Variants in TFEB observed in about 807,000 individuals in gnomAD.
TFEB encodes transcription factor EB, also known as T-cell transcription factor EB.
Under a neutral mutation model 48.0 loss-of-function variants are expected in TFEB, and 12 were observed. The observed-to-expected ratio is 0.25, with a 90% CI of 0.16 to 0.40. TFEB has a LOEUF of 0.40. Ranked by LOEUF, TFEB falls within the 10% of genes least tolerant of loss-of-function variation. The pLI is 1.00. For synonymous variants in TFEB, 244 were observed against 261.4 expected (o/e 0.93, Z 0.64); for missense variants, 509 against 640.3 (o/e 0.79, Z 2.21).
At chr6:41,697,625 G>T (rs1769678319) in intron 1 of TFEB, among the ~76,000 whole-genome samples, 1 of 150,934 alleles carries the variant, frequency 6.6e-6, no homozygotes, top group Admixed American at 6.6e-5. Flanking sequence ...GGCAATATAT[G>T]TCAAAGCCTT....
chr6:41,725,256 G>T (rs1771154515), intron 1 of TFEB, among the ~76,000 whole-genome samples: 1 of 152,214 alleles, frequency 6.6e-6, no homozygotes, highest in South Asian at 2.1e-4. Flanking sequence ...ATTTTAAGAT[G>T]TTTAGTGGTA....
Position 41,734,256 on chromosome 6 carries a change from T to TGGGCCC in TFEB, c.-23+1088_-23+1093dup. The TGGGCCC allele has an allele frequency of 1.4e-6, 1 of 740,226 alleles. No homozygotes were observed. The highest frequency in any genetic ancestry group is 1.6e-6 in the Non-Finnish European group (1 of 606,174). The allele number at this position is 740,226 out of a possible 1,614,324, so 45.9% of individuals were successfully genotyped here. On this transcript the variant is annotated intron_variant, in intron 1 of 8. Transcript: ENST00000373033. The surrounding 1 kb of genome is among the most constrained non-coding windows in gnomAD (Gnocchi z 4.0). Reference sequence around the variant, plus strand: ...TGGCGGAGAGCGGAGGGCGGGGGCCTGGGCCCAGCGGGGTTCGCGCAGACA... The same window carrying TGGGCCC: ...TGGCGGAGAGCGGAGGGCGGGGGCCTGGGCCCGGGCCCAGCGGGGTTCGCGCAGACA...
Position 41,709,113 on chromosome 6 carries a change from G to A in TFEB, c.-22-17878C>T, listed in dbSNP as rs185194936. ...AGGCTGCTCCTAGGATAGAGCTATA[G>A]AGCTCCAGCATTCCAGAACCTTGGC... On this transcript the variant is annotated intron_variant, in intron 1 of 8. Transcript: ENST00000373033. 1.3e-3 allele frequency among the ~76,000 whole-genome samples: 201 copies of A among 152,354 alleles called. 1 individual carries two copies. Among genetic ancestry groups the A allele is most frequent in the African/African-American group, 4.4e-3 (182 of 41,574 alleles).
intron 3 of TFEB, among the ~76,000 whole-genome samples, chr6:41,690,288 G>C (rs544516829): frequency 6.6e-6 from 1 of 151,852 alleles, no homozygotes; most frequent in Non-Finnish European, 1.5e-5. Context: ...GCACCACCAC[G>C]CCCAGCTAAT....
chr6:41,735,967 C>T (rs1012298817), upstream of TFEB, among the ~76,000 whole-genome samples: 2 of 152,170 alleles, frequency 1.3e-5, no homozygotes, highest in Non-Finnish European at 1.5e-5. Flanking sequence ...AGAAACTCCA[C>T]CTGTGGCAAA....
Position 41,735,592 on chromosome 6 carries a change from T to A in TFEB, c.-265A>T. 1.0e-6 allele frequency: 1 copy of A among 980,842 alleles called. No individual in the cohort carries two copies. The highest frequency in any genetic ancestry group is 1.2e-6 in the Non-Finnish European group (1 of 826,056). The allele number at this position is 980,842 out of a possible 1,614,324, so 60.8% of individuals were successfully genotyped here. A position where few individuals can be genotyped will look rare whatever the true frequency, so the allele number is the denominator to read the frequency against. ...CGAGCCCCGCGCCCGGCGCCCGGGC[T>A]CCGGCTGTCACTCCACGCACACTTC... is the stretch of plus-strand genomic sequence containing the variant. On this transcript the variant is annotated 5_prime_UTR_variant, in exon 1 of 9. Transcript: ENST00000373033.
chr6:41,712,395 A>G (rs1375870956), intron 1 of TFEB, among the ~76,000 whole-genome samples: 1 of 152,098 alleles, frequency 6.6e-6, no homozygotes, highest in Non-Finnish European at 1.5e-5. Flanking sequence ...GGGTGACGAG[A>G]CCAGTAAGGG....
chr6:41,722,905 G>T (rs1232415403), intron 1 of TFEB, among the ~76,000 whole-genome samples: 11 of 152,174 alleles, frequency 7.2e-5, no homozygotes, highest in Admixed American at 7.2e-4. Flanking sequence ...AACTCACAAG[G>T]TGGGCACTAT....
chr6:41,684,571 C>T lies in TFEB; in HGVS notation c.*28G>A, dbSNP rs1581864969. ...GCCCTCCCAGCCCCCAGGCCGGCCC[C>T]TGTTCCCTGGCACAGGGGCAGCCAG... is the stretch of plus-strand genomic sequence containing the variant. On this transcript the variant is annotated 3_prime_UTR_variant, in exon 9 of 9. Transcript: ENST00000373033. The T allele has an allele frequency of 6.6e-7, 1 of 1,526,258 alleles. No individual in the cohort carries two copies. The allele number at this position is 1,526,258 out of a possible 1,614,324, so 94.5% of individuals were successfully genotyped here.
At chr6:41,693,744 C>T (rs532287113) in intron 1 of TFEB, among the ~76,000 whole-genome samples, 1 of 152,244 alleles carries the variant, frequency 6.6e-6, no homozygotes, top group South Asian at 2.1e-4. Flanking sequence ...CAGCTACCAA[C>T]GGGGCAGTCC....
intron 1 of TFEB, chr6:41,735,142 C>T (rs4487572): frequency 0.061 from 58,511 of 958,528 alleles, 1,887 homozygotes; most frequent in Non-Finnish European, 0.066. Flanking sequence ...GCTCCCGGCT[C>T]GGCGGGCAGC....
At chr6:41,690,979 G>A (rs1769276458) in intron 2 of TFEB, 22 bp downstream of exon 2, 1 of 1,568,092 alleles carries the variant, frequency 6.4e-7, no homozygotes, top group Non-Finnish European at 8.7e-7. Flanking sequence ...CAGGGTGGGG[G>A]GCAGGCCAGA....
chr6:41,732,994 A>C (rs1169717288), intron 1 of TFEB: 14 of 985,430 alleles, frequency 1.4e-5, no homozygotes, highest in Non-Finnish European at 1.7e-5. Context: ...GAAAAGGAAG[A>C]GACAGAACCC....
intron 1 of TFEB, among the ~76,000 whole-genome samples, chr6:41,692,939 G>C (rs1297540204): frequency 2.0e-5 from 3 of 152,234 alleles, no homozygotes; most frequent in Non-Finnish European, 4.4e-5. Context: ...CCTTGGGCAA[G>C]TCACTTAACC....
In TFEB at chr6:41,735,136, C is replaced by T. The variant is rs543999045; in HGVS notation, c.-23+214G>A. On this transcript the variant is annotated intron_variant, in intron 1 of 8. Coordinates refer to ENST00000373033, the MANE Select transcript of TFEB (RefSeq NM_001271944.2). ...CTGAAGGGAGGGGCCGAGGGGGCTC[C>T]CGGCTCGGCGGGCAGCGCCGCTCGG... 28 of 965,292 alleles carry T rather than the reference C, an allele frequency of 2.9e-5. 1 individual carries two copies. The East Asian group carries it at 2.9e-3, about 100-fold the overall frequency. The allele number at this position is 965,292 out of a possible 1,614,324, so 59.8% of individuals were successfully genotyped here. A position where few individuals can be genotyped will look rare whatever the true frequency, so the allele number is the denominator to read the frequency against.
intron 1 of TFEB, among the ~76,000 whole-genome samples, chr6:41,716,771 G>C (rs1354116123): frequency 6.6e-6 from 1 of 152,096 alleles, no homozygotes. Context: ...AATAACTTGG[G>C]CAAACAGCCC....
intron 1 of TFEB, among the ~76,000 whole-genome samples, chr6:41,713,152 G>A (rs1318794022): frequency 6.6e-6 from 1 of 152,104 alleles, no homozygotes; most frequent in East Asian, 1.9e-4. Flanking sequence ...GCTTACCAGG[G>A]CCCTGGGCTC....
chr6:41,686,186 G>T lies in TFEB; in HGVS notation c.855C>A (p.Ile285=). Reference sequence around the variant, plus strand: ...TTTGCAGGTCCTTCTGCATCCTCCGGATGTAATCCACAGAGGCCTTGAGGA... The same window carrying T: ...TTTGCAGGTCCTTCTGCATCCTCCGTATGTAATCCACAGAGGCCTTGAGGA... ...GTILKASVDY[I]RRMQKDLQKS... Residue 285 remains isoleucine, a synonymous_variant, in exon 8 of 9, where the codon ATC becomes ATA. Coordinates refer to ENST00000373033, the MANE Select transcript of TFEB (RefSeq NM_001271944.2). 3.7e-6 allele frequency: 6 copies of T among 1,614,230 alleles called. No individual in the cohort carries two copies. The highest frequency in any genetic ancestry group is 5.1e-6 in the Non-Finnish European group (6 of 1,180,052).
At chr6:41,703,590 C>T (rs1770049660) in intron 1 of TFEB, among the ~76,000 whole-genome samples, 2 of 152,236 alleles carry the variant, frequency 1.3e-5, no homozygotes, top group Non-Finnish European at 2.9e-5. Context: ...CACTGTACAA[C>T]TGAAGTAGCC....
Sources: allele counts gnomAD v4.1 joint callset (sites outside exome capture counted in the v4.1 genomes callset), GRCh38; gene constraint gnomAD v4.1.1; non-coding constraint Gnocchi (gnomAD v3.1); transcripts MANE v1.5; gene names NCBI Gene and HGNC (gene_info 2026-07-23, HGNC 2026-07-21).